Variants in PDE4B observed in about 807,000 individuals in gnomAD.
PDE4B encodes the protein 3',5'-cyclic-AMP phosphodiesterase 4B.
PDE4B carries 20 observed loss-of-function variants against 82.2 expected under a neutral mutation model. The observed-to-expected ratio is 0.24, with a 90% CI of 0.17 to 0.35. The LOEUF (loss-of-function observed/expected upper bound fraction) is 0.35, where lower values mean the gene tolerates loss of function less well. PDE4B is among the 10% of genes least tolerant of loss of function. The pLI is 1.00. For missense variants in PDE4B, 655 were observed against 907.2 expected (o/e 0.72, Z 3.57); for synonymous variants, 320 against 318.9 (o/e 1.00, Z -0.04).
intron 1 of PDE4B, among the ~76,000 whole-genome samples, chr1:65,813,911 AAAC>A (rs1645849537): frequency 6.6e-6 from 1 of 151,570 alleles, no homozygotes; most frequent in Non-Finnish European, 1.5e-5. Flanking sequence ...AAAAAAAAAA[AAAC>A]AACAGTTGAG....
At chr1:66,137,588 A>T (rs1055801308) in intron 3 of PDE4B, among the ~76,000 whole-genome samples, 2 of 152,208 alleles carry the variant, frequency 1.3e-5, no homozygotes, top group Admixed American at 6.5e-5. Context: ...GTGATTCAGA[A>T]CACTTAAGTG....
chr1:65,848,948 A>G (rs1246145993), intron 1 of PDE4B, among the ~76,000 whole-genome samples: 1 of 152,086 alleles, frequency 6.6e-6, no homozygotes, highest in Admixed American at 6.5e-5. Flanking sequence ...TTTAGGAAAT[A>G]TTTAATTTAA....
chr1:66,224,915 CG>C (rs1651312083), intron 3 of PDE4B, among the ~76,000 whole-genome samples: 1 of 152,148 alleles, frequency 6.6e-6, no homozygotes. Context: ...GCCCGTCTGT[CG>C]CATTCTTACT....
At chr1:66,340,254 CTTTG>C (rs973001900) in intron 8 of PDE4B, among the ~76,000 whole-genome samples, 5 of 152,282 alleles carry the variant, frequency 3.3e-5, no homozygotes, top group African/African-American at 9.6e-5. Context: ...CTGTAACTTC[CTTTG>C]TTTGATTGAC....
intron 8 of PDE4B, among the ~76,000 whole-genome samples, chr1:66,343,317 AG>A: frequency 6.6e-6 from 1 of 152,220 alleles, no homozygotes; most frequent in South Asian, 2.1e-4. Flanking sequence ...AAAGAAACAG[AG>A]GGATTTACCC....
At chr1:66,317,476 A>G (rs1659104819) in intron 7 of PDE4B, among the ~76,000 whole-genome samples, 1 of 152,122 alleles carries the variant, frequency 6.6e-6, no homozygotes, top group Admixed American at 6.5e-5. Flanking sequence ...GTCAGGCCCC[A>G]CATTTTGGTG....
intron 3 of PDE4B, among the ~76,000 whole-genome samples, chr1:66,245,129 CT>C (rs1653202176): frequency 6.6e-6 from 1 of 152,192 alleles, no homozygotes; most frequent in Non-Finnish European, 1.5e-5. Flanking sequence ...ATGACTGGCA[CT>C]GCATGAGCAC....
intron 1 of PDE4B, among the ~76,000 whole-genome samples, chr1:65,900,662 A>T (rs745674445): frequency 6.6e-6 from 1 of 152,026 alleles, no homozygotes; most frequent in Non-Finnish European, 1.5e-5. Flanking sequence ...CCTTCTAAAG[A>T]TATTTCACCT....
At chr1:66,162,167 G>A (rs1646626874) in intron 3 of PDE4B, among the ~76,000 whole-genome samples, 1 of 151,974 alleles carries the variant, frequency 6.6e-6, no homozygotes, top group African/African-American at 2.4e-5. Context: ...CTTTTATAGT[G>A]TAACGTGGTC....
intron 7 of PDE4B, among the ~76,000 whole-genome samples, chr1:66,310,553 A>C (rs1658595428): frequency 6.6e-6 from 1 of 152,144 alleles, no homozygotes; most frequent in Admixed American, 6.5e-5. Context: ...TCTCATATTC[A>C]ATTTTTAGAG....
intron 3 of PDE4B, among the ~76,000 whole-genome samples, chr1:66,038,689 A>G (rs929951964): frequency 1.3e-5 from 2 of 152,110 alleles, no homozygotes; most frequent in Non-Finnish European, 2.9e-5. Flanking sequence ...TGTTTTGTAA[A>G]TAGGCTCTTG....
intron 3 of PDE4B, among the ~76,000 whole-genome samples, chr1:66,039,896 A>G (rs1298422900): frequency 1.3e-5 from 2 of 152,106 alleles, no homozygotes; most frequent in African/African-American, 4.8e-5. Flanking sequence ...GGTTAATGCT[A>G]TTCATAACTG....
rs376232589 is a variant in PDE4B at position 65,794,634 on chromosome 1, G to A, written c.-71+1386G>A. Among the ~76,000 whole-genome samples, 17 of 152,240 alleles carry A rather than the reference G, an allele frequency of 1.1e-4. No homozygotes were observed. The East Asian group carries it at 1.5e-3, about 14-fold the overall frequency. On this transcript the variant is annotated intron_variant, in intron 1 of 16. Coordinates refer to ENST00000341517, the MANE Select transcript of PDE4B (RefSeq NM_002600.4). ...CTTAATGTCAATAAATATAGCATTG[G>A]TCTCTTCAGCTCTTCAAATCAATAC...
Position 65,924,077 on chromosome 1 carries a change from A to ATTTT in PDE4B, c.281+5254_281+5257dup, listed in dbSNP as rs71058436. Among the ~76,000 whole-genome samples the ATTTT allele has an allele frequency of 8.3e-4, 34 of 40,786 alleles. 10 individuals are homozygous for ATTTT. The South Asian group carries it at 8.4e-3, about 10-fold the overall frequency. 26.8% of individuals were successfully genotyped at this position (40,786 alleles called of 152,430 possible). A position where few individuals can be genotyped will look rare whatever the true frequency, so the allele number is the denominator to read the frequency against. On this transcript the variant is annotated intron_variant, in intron 3 of 16. Coordinates refer to ENST00000341517, the MANE Select transcript of PDE4B (RefSeq NM_002600.4). The stretch of plus-strand genomic sequence containing the variant: ...TTCTAATCTGCCTTCCAGTTTGCTA[A>ATTTT]TTTTTTTTTTTTTTTGAGACGGAGT...
At chr1:65,990,413 C>T (rs558906498) in intron 3 of PDE4B, among the ~76,000 whole-genome samples, 1 of 152,088 alleles carries the variant, frequency 6.6e-6, no homozygotes, top group Non-Finnish European at 1.5e-5. Context: ...TTTGTAACTT[C>T]AAATTGCTGG....
At chr1:66,121,988 C>T (rs1226325921) in intron 3 of PDE4B, among the ~76,000 whole-genome samples, 2 of 152,120 alleles carry the variant, frequency 1.3e-5, no homozygotes, top group Non-Finnish European at 2.9e-5. Context: ...CTTCCTTCCT[C>T]CTTTTTCTTC....
chr1:65,974,215 G>T (rs1336801977), intron 3 of PDE4B, among the ~76,000 whole-genome samples: 1 of 152,058 alleles, frequency 6.6e-6, no homozygotes, highest in Non-Finnish European at 1.5e-5. Flanking sequence ...CGATAATAAA[G>T]TACTTTTAAT....
chr1:66,139,733 C>G lies in PDE4B; in HGVS notation c.282-107727C>G, dbSNP rs1261942638. On this transcript the variant is annotated intron_variant, in intron 3 of 16. Transcript: ENST00000341517. ...CCACTTAAATAATTCCCCCTCCCCCCTCAAAAAAAAAAAAAAAAACAAAAA... is the reference window on the plus strand; with the variant it reads ...CCACTTAAATAATTCCCCCTCCCCCGTCAAAAAAAAAAAAAAAAACAAAAA... 2.9e-5 allele frequency among the ~76,000 whole-genome samples: 3 copies of G among 104,468 alleles called. No individual in the cohort carries two copies. In the South Asian group the frequency reaches 1.1e-3, roughly 39 times the overall value. The allele number at this position is 104,468 out of a possible 152,430, so 68.5% of individuals were successfully genotyped here. A position where few individuals can be genotyped will look rare whatever the true frequency, so the allele number is the denominator to read the frequency against.
At chr1:66,122,659 G>A (rs1645734094) in intron 3 of PDE4B, among the ~76,000 whole-genome samples, 1 of 150,778 alleles carries the variant, frequency 6.6e-6, no homozygotes, top group South Asian at 2.1e-4. Context: ...TAAGGAGTCA[G>A]AGGATCTTGA....
Sources: gnomAD v4.1 joint callset for allele counts (sites outside exome capture counted in the v4.1 genomes callset) on GRCh38, gnomAD v4.1.1 for gene constraint, MANE v1.5 for transcripts, NCBI Gene and HGNC (gene_info 2026-07-23, HGNC 2026-07-21) for gene names.